The following RAP1GDS1 variants were observed in gnomAD, a reference collection of about 807,000 sequenced individuals.
The protein encoded by RAP1GDS1 is RAP1, GTP-GDP dissociation stimulator 1.
A neutral mutation model predicts 71.1 loss-of-function variants in RAP1GDS1; 35 were observed. The ratio of observed to expected loss-of-function variants is 0.49; its 90% CI spans 0.38 to 0.65. RAP1GDS1 has a LOEUF of 0.65. Among genes scored for constraint, RAP1GDS1 ranks in the 30% least tolerant of loss-of-function variants. RAP1GDS1 has a pLI of 0.00. For synonymous variants in RAP1GDS1, 229 were observed against 243.1 expected (o/e 0.94, Z 0.54); for missense variants, 663 against 706.1 (o/e 0.94, Z 0.69).
At chr4:98,432,563 T>G (rs1750579158) in intron 12 of RAP1GDS1, among the ~76,000 whole-genome samples, 2 of 152,132 alleles carry the variant, frequency 1.3e-5, no homozygotes. Flanking sequence ...ATTTAGCAAG[T>G]TTGATCACTA....
chr4:98,403,739 A>G (rs1745748186), intron 6 of RAP1GDS1, among the ~76,000 whole-genome samples: 1 of 152,194 alleles, frequency 6.6e-6, no homozygotes, highest in African/African-American at 2.4e-5. Context: ...AGGAACTAGA[A>G]TTTATACAGG....
At position 98,303,698 on chromosome 4, in the gene RAP1GDS1, T is replaced by A. The variant is rs990513461; in HGVS notation, c.112+10183T>A. Reference sequence around the variant, plus strand: ...TATTCAGTATAGGAAGAGAACTTTTTAAAAAAAATTATTTTAAGTTCTGGA... The same window carrying A: ...TATTCAGTATAGGAAGAGAACTTTTAAAAAAAAATTATTTTAAGTTCTGGA... On this transcript the variant is annotated intron_variant, in intron 2 of 14. Transcript: ENST00000408927. 1.8e-4 allele frequency among the ~76,000 whole-genome samples: 27 copies of A among 150,400 alleles called. 1 individual carries two copies. Among genetic ancestry groups the A allele is most frequent in the Middle Eastern group, 3.2e-3 (1 of 314 alleles).
chr4:98,311,729 C>T (rs1296970960), intron 2 of RAP1GDS1, among the ~76,000 whole-genome samples: 1 of 152,170 alleles, frequency 6.6e-6, no homozygotes, highest in African/African-American at 2.4e-5. Flanking sequence ...GTTGAACCCC[C>T]GCACTCAAGC....
At chr4:98,389,007 G>A (rs993285903) in intron 5 of RAP1GDS1, among the ~76,000 whole-genome samples, 1 of 140,250 alleles carries the variant, frequency 7.1e-6, no homozygotes, top group African/African-American at 3.1e-5. Flanking sequence ...ATAGCAGTTT[G>A]TTTTACTATT....
At chr4:98,343,870 G>A (rs1350516732) in intron 3 of RAP1GDS1, among the ~76,000 whole-genome samples, 5 of 152,208 alleles carry the variant, frequency 3.3e-5, no homozygotes, top group Admixed American at 6.5e-5. Context: ...AATTCAGTCC[G>A]TTTGAGAAAA....
intron 2 of RAP1GDS1, among the ~76,000 whole-genome samples, chr4:98,307,321 A>T (rs1441950297): frequency 6.6e-6 from 1 of 151,978 alleles, no homozygotes; most frequent in East Asian, 1.9e-4. Flanking sequence ...TGGTAGCTTT[A>T]TGGAGGAAGT....
At chr4:98,400,528 T>TAAAAAAAAAAAAAA (rs774732053) in intron 6 of RAP1GDS1, among the ~76,000 whole-genome samples, 1 of 74,382 alleles carries the variant, frequency 1.3e-5, no homozygotes, top group African/African-American at 4.4e-5. Flanking sequence ...TTTATAGAAG[T>TAAAAAAAAAAAAAA]AAAAAAAAAA....
intron 2 of RAP1GDS1, among the ~76,000 whole-genome samples, chr4:98,335,872 T>C (rs1273172393): frequency 2.0e-5 from 3 of 152,112 alleles, no homozygotes; most frequent in Admixed American, 6.5e-5. Context: ...ATCATACTTG[T>C]ATAAAGTAGT....
intron 5 of RAP1GDS1, among the ~76,000 whole-genome samples, chr4:98,380,485 CTT>C (rs905101508): frequency 6.6e-6 from 1 of 151,658 alleles, no homozygotes; most frequent in Non-Finnish European, 1.5e-5. Context: ...ACATATTAAA[CTT>C]GAGCTAATAA....
chr4:98,306,704 TAGATA>T (rs1729376837), intron 2 of RAP1GDS1, among the ~76,000 whole-genome samples: 1 of 152,222 alleles, frequency 6.6e-6, no homozygotes, highest in Admixed American at 6.5e-5. Flanking sequence ...ATAAATAGAT[TAGATA>T]AATGTGTTTT....
At chr4:98,346,740 T>G (rs1051790841) in intron 3 of RAP1GDS1, among the ~76,000 whole-genome samples, 1 of 152,054 alleles carries the variant, frequency 6.6e-6, no homozygotes, top group African/African-American at 2.4e-5. Context: ...GAGACGGGGT[T>G]TCACCATGTT....
chr4:98,263,537 CTGTT>C (rs537767243), intron 1 of RAP1GDS1, among the ~76,000 whole-genome samples: 138 of 152,336 alleles, frequency 9.1e-4, no homozygotes, highest in African/African-American at 3.2e-3. Flanking sequence ...TTCATAAGCA[CTGTT>C]TGTACCTTGT....
At chr4:98,416,945 A>T (rs1173441865) in intron 8 of RAP1GDS1, 57 bp downstream of exon 8, 1 of 1,562,132 alleles carries the variant, frequency 6.4e-7, no homozygotes. Flanking sequence ...TTTAAAATTT[A>T]TTGTCTCTTC....
At chr4:98,425,107 T>G (rs1305473274) in intron 12 of RAP1GDS1, among the ~76,000 whole-genome samples, 1 of 152,168 alleles carries the variant, frequency 6.6e-6, no homozygotes, top group Non-Finnish European at 1.5e-5. Context: ...AAAGCAATTA[T>G]CAGCCAAGAA....
intron 7 of RAP1GDS1, among the ~76,000 whole-genome samples, chr4:98,410,511 A>G (rs1746892004): frequency 6.6e-6 from 1 of 152,224 alleles, no homozygotes; most frequent in African/African-American, 2.4e-5. Context: ...TGCTCTTAGA[A>G]ATATACCCAG....
Position 98,266,519 on chromosome 4 carries a change from G to A in RAP1GDS1, c.4+4950G>A, listed in dbSNP as rs1435255730. Among the ~76,000 whole-genome samples the A allele has an allele frequency of 2.0e-5, 3 of 152,164 alleles. No individual in the cohort carries two copies. In the East Asian group the frequency reaches 5.8e-4, roughly 29 times the overall value. ...ATTTTGCCTGTATTTCCAAGTCCAGGAATGGTTTTCATAGCTAAATAATAA... is the reference window on the plus strand; with the variant it reads ...ATTTTGCCTGTATTTCCAAGTCCAGAAATGGTTTTCATAGCTAAATAATAA... On this transcript the variant is annotated intron_variant, in intron 1 of 14. Transcript: ENST00000408927.
chr4:98,280,828 G>A (rs1032882044), intron 1 of RAP1GDS1, among the ~76,000 whole-genome samples: 2 of 152,164 alleles, frequency 1.3e-5, no homozygotes, highest in African/African-American at 4.8e-5. Context: ...TTCTACATAT[G>A]GCTAGCCAGT....
intron 1 of RAP1GDS1, among the ~76,000 whole-genome samples, chr4:98,269,505 G>A (rs1175740499): frequency 2.6e-5 from 4 of 152,028 alleles, no homozygotes; most frequent in African/African-American, 9.7e-5. Context: ...TTTCTCTGTA[G>A]CAAAGGAAAC....
intron 1 of RAP1GDS1, among the ~76,000 whole-genome samples, chr4:98,288,824 A>G: frequency 6.6e-6 from 1 of 152,186 alleles, no homozygotes; most frequent in Middle Eastern, 3.2e-3. Flanking sequence ...GGCTGCATAA[A>G]TGTCTTCTTT....
Sources: allele counts gnomAD v4.1 joint callset (sites outside exome capture counted in the v4.1 genomes callset), GRCh38; gene constraint gnomAD v4.1.1; transcripts MANE v1.5; gene names NCBI Gene and HGNC (gene_info 2026-07-23, HGNC 2026-07-21).